KLHL13: variants seen among roughly 807,000 people sequenced by gnomAD.
The protein encoded by KLHL13 is kelch-like protein 13.
A neutral mutation model predicts 37.1 loss-of-function variants in KLHL13; 10 were observed. The observed-to-expected ratio is 0.27, with a 90% CI of 0.17 to 0.46. The LOEUF (loss-of-function observed/expected upper bound fraction) is 0.46. Ranked by LOEUF, KLHL13 falls within the 20% of genes least tolerant of loss-of-function variation. The pLI, the probability that KLHL13 is intolerant of heterozygous loss-of-function variation, is 1.00. For synonymous variants in KLHL13, 163 were observed against 181.2 expected (o/e 0.90, Z 0.81); for missense variants, 360 against 509.3 (o/e 0.71, Z 2.82).
chrX:118,068,542 C>A (rs183398391), intron 1 of KLHL13, among the ~76,000 whole-genome samples: 18 of 110,528 alleles, frequency 1.6e-4, no homozygotes, highest in African/African-American at 4.6e-4. Flanking sequence ...GCAAGAGGAT[C>A]CCAGCAGCCC....
intron 1 of KLHL13, among the ~76,000 whole-genome samples, chrX:118,058,473 T>C (rs1355078655): frequency 9.0e-6 from 1 of 111,662 alleles, no homozygotes; most frequent in African/African-American, 3.3e-5. Context: ...CTTAAATCCA[T>C]GGCTAGCGTC....
chrX:117,927,907 A>G (rs1179795635), intron 2 of KLHL13, among the ~76,000 whole-genome samples: 1 of 111,971 alleles, frequency 8.9e-6, no homozygotes, highest in African/African-American at 3.2e-5. Flanking sequence ...AATTCTGGAG[A>G]TTAAATGAAA....
intron 5 of KLHL13, among the ~76,000 whole-genome samples, chrX:117,907,432 G>A (rs1002090661): frequency 9.0e-6 from 1 of 111,623 alleles, no homozygotes; most frequent in African/African-American, 3.3e-5. Flanking sequence ...TTTGAAAAAC[G>A]GAGCTACTTC....
chrX:118,026,501 C>A (rs999733024), intron 1 of KLHL13, among the ~76,000 whole-genome samples: 1 of 111,512 alleles, frequency 9.0e-6, no homozygotes, highest in African/African-American at 3.3e-5. Context: ...GAACAAACAT[C>A]AAATTTATCA....
chrX:117,963,207 G>T (rs932352952), intron 1 of KLHL13, among the ~76,000 whole-genome samples: 4 of 111,398 alleles, frequency 3.6e-5, no homozygotes, highest in Admixed American at 2.9e-4. Flanking sequence ...ACATAAATGT[G>T]GGGGGGAAAT....
intron 1 of KLHL13, among the ~76,000 whole-genome samples, chrX:117,984,746 A>C (rs1187553465): frequency 4.5e-5 from 5 of 111,149 alleles, no homozygotes; most frequent in African/African-American, 1.6e-4. Flanking sequence ...ATGTTTTACA[A>C]TTAAGCCCTA....
At chrX:118,117,108 G>A (rs1359712798), upstream of KLHL13, among the ~76,000 whole-genome samples, 2 of 113,014 alleles carry the variant, frequency 1.8e-5, no homozygotes, top group African/African-American at 3.2e-5. Context: ...AGTGCCGGGA[G>A]GCAGAAAAAG....
chrX:117,972,809 G>A (rs1288711515), exon 1 of KLHL13: 11 of 1,209,661 alleles, frequency 9.1e-6, no homozygotes, highest in African/African-American at 1.7e-5. Context: ...AGGAGAGCTC[G>A]TTTTCCATTT....
intron 1 of KLHL13, among the ~76,000 whole-genome samples, chrX:118,042,773 T>C (rs954589000): frequency 1.8e-5 from 2 of 111,176 alleles, no homozygotes; most frequent in Non-Finnish European, 3.8e-5. Flanking sequence ...TTTATAGTTA[T>C]AAATGCCTAC....
At chrX:117,900,671 T>A (rs1429633371) in intron 6 of KLHL13, among the ~76,000 whole-genome samples, 1 of 111,875 alleles carries the variant, frequency 8.9e-6, no homozygotes, top group Non-Finnish European at 1.9e-5. Context: ...AAAAATTTCA[T>A]AAGGCAGTGG....
upstream of KLHL13, among the ~76,000 whole-genome samples, chrX:117,975,801 A>C (rs1296387493): frequency 8.9e-6 from 1 of 112,324 alleles, no homozygotes; most frequent in African/African-American, 3.2e-5. Flanking sequence ...TGATGAGTGG[A>C]AAACAGGCAA....
chrX:117,941,751 TCTA>T (rs1441167506), intron 2 of KLHL13, among the ~76,000 whole-genome samples: 4 of 111,451 alleles, frequency 3.6e-5, no homozygotes, highest in African/African-American at 1.3e-4. Context: ...TGGCTAGCGG[TCTA>T]TCTATTTTGT....
intron 1 of KLHL13, among the ~76,000 whole-genome samples, chrX:118,078,231 G>A (rs1260623753): frequency 9.0e-6 from 1 of 111,402 alleles, no homozygotes; most frequent in Non-Finnish European, 1.9e-5. Flanking sequence ...CAAATCACAT[G>A]GGTTTAATTT....
At chrX:117,992,234 T>TAAAAAAAAAAAAAAAA (rs773486522) in intron 1 of KLHL13, among the ~76,000 whole-genome samples, 2 of 84,003 alleles carry the variant, frequency 2.4e-5, no homozygotes, top group African/African-American at 9.2e-5. Context: ...AACTGAGATG[T>TAAAAAAAAAAAAAAAA]AAAAAAAAAA....
At chrX:117,963,361 T>C (rs1184798058) in intron 1 of KLHL13, among the ~76,000 whole-genome samples, 1 of 112,117 alleles carries the variant, frequency 8.9e-6, no homozygotes, top group Non-Finnish European at 1.9e-5. Context: ...TGGAAGGTAA[T>C]ATATGTAAAC....
chrX:118,020,585 G>C, intron 1 of KLHL13, among the ~76,000 whole-genome samples: 1 of 110,322 alleles, frequency 9.1e-6, no homozygotes, highest in Non-Finnish European at 1.9e-5. Flanking sequence ...TCAGAGTGGC[G>C]ATTCCTCAGG....
chrX:118,007,903 C>T (rs1222601672), intron 1 of KLHL13, among the ~76,000 whole-genome samples: 1 of 111,550 alleles, frequency 9.0e-6, no homozygotes, highest in African/African-American at 3.3e-5. Flanking sequence ...AAAGGTAGAT[C>T]TTCCAGGGAA....
At chrX:118,112,807 G>A (rs748379537) in intron 1 of KLHL13, among the ~76,000 whole-genome samples, 1 of 111,514 alleles carries the variant, frequency 9.0e-6, no homozygotes, top group Non-Finnish European at 1.9e-5. Flanking sequence ...AAGGGCTTAG[G>A]GCAATAAATT....
chrX:117,936,478 CT>C (rs1329203171), intron 2 of KLHL13, among the ~76,000 whole-genome samples: 1 of 112,024 alleles, frequency 8.9e-6, no homozygotes, highest in Non-Finnish European at 1.9e-5. Context: ...CCCATAACTT[CT>C]TTTTTTATTA....
Sources: allele counts gnomAD v4.1 joint callset (sites outside exome capture counted in the v4.1 genomes callset), GRCh38; gene constraint gnomAD v4.1.1; transcripts MANE v1.5; gene names NCBI Gene and HGNC (gene_info 2026-07-23, HGNC 2026-07-21).